Variants in KAZN observed in about 807,000 individuals in gnomAD.
The protein encoded by KAZN is kazrin, periplakin interacting protein.
Under a neutral mutation model 87.4 loss-of-function variants are expected in KAZN, and 40 were observed. That is an observed-to-expected ratio of 0.46 (90% confidence interval 0.36 to 0.60). KAZN has a LOEUF of 0.60. Among genes scored for constraint, KAZN ranks in the 20% least tolerant of loss-of-function variants. The pLI, the probability that KAZN is intolerant of heterozygous loss-of-function variation, is 0.00. For synonymous variants in KAZN, 466 were observed against 458.3 expected, an observed-to-expected ratio of 1.02 and a Z score of -0.22; for missense variants, 898 against 1,073.9, an observed-to-expected ratio of 0.84 and a Z score of 2.29.
At chr1:14,547,977 GGAA>G (rs1261640155) in intron 2 of KAZN, among the ~76,000 whole-genome samples, 23 of 150,708 alleles carry the variant, frequency 1.5e-4, no homozygotes, top group African/African-American at 4.4e-4. Flanking sequence ...GGGCCACACT[GGAA>G]GAAGAAGAAT....
chr1:14,473,026 T>C lies in KAZN; in HGVS notation c.250-125957T>C, dbSNP rs1668536468. ...CTAATGTCTTTTTTCTCCAAGTAGA[T>C]GGTAATGGAATGATCATTCCATTAA... is the stretch of plus-strand genomic sequence containing the variant. On this transcript the variant is annotated intron_variant, in intron 2 of 16. Transcript: ENST00000636203. 2.0e-5 allele frequency among the ~76,000 whole-genome samples: 3 copies of C among 152,162 alleles called. No homozygotes were observed. The South Asian group carries it at 6.2e-4, about 31-fold the overall frequency.
At chr1:15,083,225 C>T (rs550735011) in intron 8 of KAZN, among the ~76,000 whole-genome samples, 41 of 152,236 alleles carry the variant, frequency 2.7e-4, no homozygotes, top group Non-Finnish European at 5.3e-4. Flanking sequence ...GGACTCAAGC[C>T]TGTGCAGCCC....
chr1:14,588,076 C>A (rs1675968000), intron 2 of KAZN, among the ~76,000 whole-genome samples: 1 of 152,106 alleles, frequency 6.6e-6, no homozygotes, highest in African/African-American at 2.4e-5. Flanking sequence ...AGTAAATTAA[C>A]CTTCCTGAGT....
intron 2 of KAZN, among the ~76,000 whole-genome samples, chr1:14,970,484 C>G (rs1664911620): frequency 6.6e-6 from 1 of 152,226 alleles, no homozygotes; most frequent in Non-Finnish European, 1.5e-5. Flanking sequence ...TTGCAACAAA[C>G]TTTGTCCCCT....
chr1:14,333,987 A>G (rs1467635550), intron 2 of KAZN, among the ~76,000 whole-genome samples: 1 of 152,054 alleles, frequency 6.6e-6, no homozygotes, highest in African/African-American at 2.4e-5. Flanking sequence ...TTTGGCTTTC[A>G]CCCTGCAGGA....
intron 1 of KAZN, among the ~76,000 whole-genome samples, chr1:14,134,151 G>T (rs191010512): frequency 2.6e-5 from 4 of 152,218 alleles, no homozygotes; most frequent in Non-Finnish European, 5.9e-5. Context: ...TCATCTGCAT[G>T]CCTAGATTCT....
chr1:14,245,246 G>C lies in KAZN; in HGVS notation c.249+64654G>C, dbSNP rs537519529. Among the ~76,000 whole-genome samples the C allele has an allele frequency of 1.1e-4, 16 of 152,034 alleles. No homozygotes were observed. The South Asian group carries it at 2.5e-3, about 24-fold the overall frequency. Reference sequence around the variant, plus strand: ...TCAGGAAAACATGTAGGAGGCTCTGGCTTTTCCCCAGGCAGGAGAGGGCAC... The same window carrying C: ...TCAGGAAAACATGTAGGAGGCTCTGCCTTTTCCCCAGGCAGGAGAGGGCAC... On this transcript the variant is annotated intron_variant, in intron 2 of 16. Coordinates refer to the KAZN transcript ENST00000636203.
rs890559017 is a variant in KAZN at position 13,907,344 on chromosome 1, G to A, written c.91+13588G>A. 2.6e-5 allele frequency among the ~76,000 whole-genome samples: 4 copies of A among 152,196 alleles called. No individual in the cohort carries two copies. The East Asian group carries it at 7.7e-4, about 29-fold the overall frequency. On this transcript the variant is annotated intron_variant, in intron 1 of 16. Transcript: ENST00000636203. Reference sequence around the variant, plus strand: ...AGGTGGAGTGGCCCCTGGGGACTGTGCCAGGATGCTTGGCAGGGTGGGAGC... The same window carrying A: ...AGGTGGAGTGGCCCCTGGGGACTGTACCAGGATGCTTGGCAGGGTGGGAGC...
chr1:14,838,179 A>C (rs966335336), intron 1 of KAZN, among the ~76,000 whole-genome samples: 1 of 152,172 alleles, frequency 6.6e-6, no homozygotes, highest in African/African-American at 2.4e-5. Flanking sequence ...GAAGGGATGG[A>C]AGGGCAAAAG....
chr1:14,784,675 C>G (rs1273133524), intron 1 of KAZN, among the ~76,000 whole-genome samples: 1 of 152,204 alleles, frequency 6.6e-6, no homozygotes, highest in African/African-American at 2.4e-5. Flanking sequence ...GGGAGGATCA[C>G]TTGAGCCCGG....
At chr1:13,954,187 G>T (rs901705954) in intron 1 of KAZN, among the ~76,000 whole-genome samples, 2 of 152,180 alleles carry the variant, frequency 1.3e-5, no homozygotes, top group African/African-American at 4.8e-5. Flanking sequence ...CTGGGCAACA[G>T]AATGAGACTC....
intron 2 of KAZN, among the ~76,000 whole-genome samples, chr1:14,443,858 CT>C (rs1378760837): frequency 6.6e-6 from 1 of 152,092 alleles, no homozygotes; most frequent in East Asian, 1.9e-4. Context: ...GATTGTTCTC[CT>C]TTTTTGCACT....
intron 1 of KAZN, among the ~76,000 whole-genome samples, chr1:14,112,671 A>T (rs142038005): frequency 9.1e-4 from 139 of 152,344 alleles, no homozygotes; most frequent in African/African-American, 3.2e-3. Context: ...GTATAATCAC[A>T]TGAGTCCTTT....
intron 1 of KAZN, among the ~76,000 whole-genome samples, chr1:14,742,818 T>A (rs1030436838): frequency 6.6e-6 from 1 of 152,150 alleles, no homozygotes; most frequent in African/African-American, 2.4e-5. Flanking sequence ...GAGCCAGGGA[T>A]GTAGAAGTGA....
chr1:14,901,475 G>A (rs1225829389), intron 1 of KAZN, among the ~76,000 whole-genome samples: 1 of 152,080 alleles, frequency 6.6e-6, no homozygotes, highest in Non-Finnish European at 1.5e-5. Flanking sequence ...CCCCAGGCAG[G>A]GGAGTCACAT....
intron 1 of KAZN, among the ~76,000 whole-genome samples, chr1:14,164,266 A>G (rs147205738): frequency 1.9e-3 from 296 of 152,326 alleles, no homozygotes; most frequent in African/African-American, 6.5e-3. Flanking sequence ...CACCCTGGGC[A>G]CATCCATCTG....
chr1:14,867,946 T>A (rs1389282766), intron 1 of KAZN, among the ~76,000 whole-genome samples: 1 of 65,448 alleles, frequency 1.5e-5, no homozygotes, highest in Admixed American at 1.3e-4. Flanking sequence ...CAGCCTCACA[T>A]AAGCACAGCA....
intron 1 of KAZN, among the ~76,000 whole-genome samples, chr1:14,813,929 G>A (rs1276264089): frequency 2.0e-5 from 3 of 152,178 alleles, no homozygotes; most frequent in South Asian, 2.1e-4. Flanking sequence ...TAGGCAGCAC[G>A]TGATCTGCTA....
At chr1:14,014,389 G>T (rs554497406) in intron 1 of KAZN, among the ~76,000 whole-genome samples, 8 of 152,162 alleles carry the variant, frequency 5.3e-5, no homozygotes, top group African/African-American at 1.7e-4. Context: ...AAAGGGTGAG[G>T]ATGTCCAGCT....
Sources: allele counts gnomAD v4.1 joint callset (sites outside exome capture counted in the v4.1 genomes callset), GRCh38; gene constraint gnomAD v4.1.1; transcripts MANE v1.5; gene names NCBI Gene and HGNC (gene_info 2026-07-23, HGNC 2026-07-21).